NRG4: variants seen among roughly 807,000 people sequenced by gnomAD.
NRG4 encodes neuregulin 4, also known as pro-neuregulin-4, membrane-bound isoform.
Under a neutral mutation model 15.0 loss-of-function variants are expected in NRG4, and 10 were observed. The ratio of observed to expected loss-of-function variants is 0.67; its 90% CI spans 0.41 to 1.13. NRG4 has a LOEUF of 1.13. Ranked by LOEUF, NRG4 falls within the 50% of genes most tolerant of loss-of-function variation. NRG4 has a pLI of 0.00. For missense variants in NRG4, 139 were observed against 140.2 expected (o/e 0.99, Z 0.04); for synonymous variants, 41 against 50.1 (o/e 0.82, Z 0.77).
Position 76,025,283 on chromosome 15 carries a change from C to A in NRG4, c.-57+10661G>T, listed in dbSNP as rs527677876. Among the ~76,000 whole-genome samples, 13 of 151,478 alleles carry A rather than the reference C, an allele frequency of 8.6e-5. No individual in the cohort carries two copies. In the East Asian group the frequency reaches 2.5e-3, roughly 30 times the overall value. On this transcript the variant is annotated intron_variant, in intron 5 of 8. Transcript: ENST00000563910. ...TGAAACCCCGTCTCTATTAAAAATA[C>A]AAAAAATTAGCTGGGCGTGGTGGCG...
intron 3 of NRG4, among the ~76,000 whole-genome samples, chr15:75,985,288 A>C (rs929024333): frequency 6.6e-6 from 1 of 152,230 alleles, no homozygotes; most frequent in Non-Finnish European, 1.5e-5. Context: ...AAAACTACAA[A>C]GGGAAAAGAT....
intron 3 of NRG4, among the ~76,000 whole-genome samples, chr15:75,985,726 A>G (rs1265716752): frequency 1.3e-5 from 2 of 152,212 alleles, no homozygotes; most frequent in Non-Finnish European, 2.9e-5. Flanking sequence ...TCTATTCTCC[A>G]CATCTTGAAT....
At chr15:76,016,213 T>C (rs1357682094), upstream of NRG4, among the ~76,000 whole-genome samples, 1 of 152,204 alleles carries the variant, frequency 6.6e-6, no homozygotes, top group Non-Finnish European at 1.5e-5. Flanking sequence ...CATTTTTTAT[T>C]GTGTCTATTT....
intron 3 of NRG4, among the ~76,000 whole-genome samples, chr15:75,972,697 T>A (rs2033154553): frequency 6.6e-6 from 1 of 152,170 alleles, no homozygotes; most frequent in East Asian, 1.9e-4. Flanking sequence ...GTGGCATAAT[T>A]TCTGAGGCCT....
Position 75,965,557 on chromosome 15 carries a change from T to C in NRG4, c.105-3583A>G, listed in dbSNP as rs566145336. On this transcript the variant is annotated intron_variant, in intron 3 of 5. Coordinates refer to ENST00000394907, the MANE Select transcript of NRG4 (RefSeq NM_138573.4). ...GGAAAGGCAAAGACAAATTTAAATA[T>C]TACATTACTATCCAGGAAGTAGGAC... Among the ~76,000 whole-genome samples the C allele has an allele frequency of 1.2e-4, 18 of 152,238 alleles. No individual in the cohort carries two copies. The East Asian group carries it at 1.4e-3, about 11-fold the overall frequency.
At chr15:75,984,786 TA>T (rs968771395) in intron 3 of NRG4, among the ~76,000 whole-genome samples, 25 of 152,146 alleles carry the variant, frequency 1.6e-4, no homozygotes, top group East Asian at 7.7e-4. Context: ...TAAAGTATAA[TA>T]AAAAAAATTG....
At chr15:76,005,945 T>C in intron 3 of NRG4, 1 of 246,706 alleles carries the variant, frequency 4.1e-6, no homozygotes, top group South Asian at 5.3e-5. Context: ...GGCCAAATGG[T>C]AGAAGGCTGA....
At position 76,017,816 on chromosome 15, in the gene NRG4, T is replaced by C. The variant is rs1596029539; in HGVS notation, c.-56-6530A>G. ...ACAATTATGTGTCTTGGGGTTGCTCTTCTCGAGTAGTATCTTTGTGGTGTT... is the reference window on the plus strand; with the variant it reads ...ACAATTATGTGTCTTGGGGTTGCTCCTCTCGAGTAGTATCTTTGTGGTGTT... On this transcript the variant is annotated intron_variant, in intron 5 of 8. Transcript: ENST00000563910. Among the ~76,000 whole-genome samples the C allele has an allele frequency of 5.3e-5, 8 of 152,310 alleles. No individual in the cohort carries two copies. In the South Asian group the frequency reaches 1.7e-3, roughly 32 times the overall value.
chr15:76,035,220 A>C (rs534956132), intron 5 of NRG4, among the ~76,000 whole-genome samples: 1 of 152,324 alleles, frequency 6.6e-6, no homozygotes, highest in Non-Finnish European at 1.5e-5. Context: ...TCATGGTTAC[A>C]AGATGCCTGC....
At chr15:76,004,272 A>C (rs1363917486) in intron 3 of NRG4, among the ~76,000 whole-genome samples, 1 of 152,148 alleles carries the variant, frequency 6.6e-6, no homozygotes. Context: ...ATAGTTATAG[A>C]ATATACACAA....
intron 4 of NRG4, among the ~76,000 whole-genome samples, chr15:76,038,404 C>T (rs2035646331): frequency 6.6e-6 from 1 of 152,200 alleles, no homozygotes; most frequent in African/African-American, 2.4e-5. Flanking sequence ...GAATCCCAGG[C>T]TTGGTAGCAT....
chr15:75,979,097 C>T, intron 3 of NRG4, among the ~76,000 whole-genome samples: 1 of 152,184 alleles, frequency 6.6e-6, no homozygotes, highest in East Asian at 1.9e-4. Flanking sequence ...TTGGCTGTTC[C>T]TTTGCTGAGC....
intron 3 of NRG4, among the ~76,000 whole-genome samples, chr15:75,991,515 A>G (rs938611933): frequency 6.6e-6 from 1 of 152,190 alleles, no homozygotes; most frequent in South Asian, 2.1e-4. Context: ...CCTGGTGAAC[A>G]TAACGTGTAC....
At chr15:75,961,236 G>A (rs1019775130) in intron 4 of NRG4, among the ~76,000 whole-genome samples, 1 of 151,362 alleles carries the variant, frequency 6.6e-6, no homozygotes, top group Non-Finnish European at 1.5e-5. Flanking sequence ...AAATCAAAAC[G>A]AATGAAAGTA....
chr15:75,938,724 A>G (rs1014875216), downstream of NRG4: 2 of 152,216 alleles, frequency 1.3e-5, no homozygotes, highest in African/African-American at 4.8e-5. Flanking sequence ...CAACAAATCA[A>G]GCCTACATAG....
At chr15:76,058,806 G>T (rs1365384334) in intron 1 of NRG4, among the ~76,000 whole-genome samples, 4 of 152,194 alleles carry the variant, frequency 2.6e-5, no homozygotes, top group African/African-American at 9.7e-5. Context: ...TGGTGGAGAA[G>T]ACAAACGATA....
At chr15:75,988,495 C>T (rs1595991281) in intron 3 of NRG4, among the ~76,000 whole-genome samples, 1 of 152,182 alleles carries the variant, frequency 6.6e-6, no homozygotes, top group African/African-American at 2.4e-5. Context: ...CCTACAACTC[C>T]TTCTAATGTT....
chr15:76,037,921 T>C lies in NRG4; in HGVS notation c.-104-1930A>G, dbSNP rs550483536. ...GGACACCAGCTCAGCCACAGTCGGA[T>C]ACAATACTAGACACAATACTAGACA... On this transcript the variant is annotated intron_variant, in intron 4 of 8. Coordinates refer to the NRG4 transcript ENST00000563910. Among the ~76,000 whole-genome samples the C allele has an allele frequency of 7.9e-4, 112 of 142,078 alleles. No individual in the cohort carries two copies. The Middle Eastern group carries it at 0.01, about 13-fold the overall frequency. 93.2% of individuals were successfully genotyped at this position (142,078 alleles called of 152,430 possible).
intron 3 of NRG4, among the ~76,000 whole-genome samples, chr15:76,006,865 G>A (rs1211806577): frequency 6.6e-6 from 1 of 152,088 alleles, no homozygotes; most frequent in African/African-American, 2.4e-5. Flanking sequence ...CCAAATTCCA[G>A]CATTCTTAGT....
Sources: gnomAD v4.1 joint callset for allele counts (sites outside exome capture counted in the v4.1 genomes callset) on GRCh38, gnomAD v4.1.1 for gene constraint, MANE v1.5 for transcripts, NCBI Gene and HGNC (gene_info 2026-07-23, HGNC 2026-07-21) for gene names.